Variants in ATP8A2 observed in about 807,000 individuals in gnomAD.
ATP8A2 encodes the protein phospholipid-transporting ATPase IB.
In ATP8A2, 100 loss-of-function variants were observed where a neutral mutation model predicts 165.6. The ratio of observed to expected loss-of-function variants is 0.60; its 90% CI spans 0.51 to 0.71. The LOEUF is 0.71. Among genes scored for constraint, ATP8A2 ranks in the 30% least tolerant of loss-of-function variants. The probability of loss-of-function intolerance (pLI) is 0.00; values close to 1 mark genes in which losing one functional copy is unlikely to be tolerated. For missense variants in ATP8A2, 1,227 were observed against 1,479.5 expected (o/e 0.83, Z 2.80); for synonymous variants, 543 against 548.8 (o/e 0.99, Z 0.15).
At chr13:25,786,303 A>C (rs942893508) in intron 27 of ATP8A2, among the ~76,000 whole-genome samples, 1 of 152,230 alleles carries the variant, frequency 6.6e-6, no homozygotes, top group Non-Finnish European at 1.5e-5. Context: ...TCTCAGTTCC[A>C]ATGTCCTGGC....
chr13:25,871,167 T>C (rs946073452), intron 33 of ATP8A2: 4 of 402,648 alleles, frequency 9.9e-6, no homozygotes, highest in Non-Finnish European at 1.9e-5. Flanking sequence ...TTCATTCTGA[T>C]GTTAATTTTT....
chr13:25,735,062 G>T (rs1056002301), intron 25 of ATP8A2, among the ~76,000 whole-genome samples: 1 of 152,180 alleles, frequency 6.6e-6, no homozygotes, highest in Admixed American at 6.5e-5. Context: ...CTGTAGCACA[G>T]TACCTAAAAT....
intron 24 of ATP8A2, among the ~76,000 whole-genome samples, chr13:25,697,069 T>C (rs1288932124): frequency 6.6e-6 from 1 of 152,248 alleles, no homozygotes; most frequent in Non-Finnish European, 1.5e-5. Context: ...TAAATGGTGC[T>C]GATCGACTTG....
chr13:25,536,035 G>T (rs986964720), intron 6 of ATP8A2, among the ~76,000 whole-genome samples: 1 of 151,014 alleles, frequency 6.6e-6, no homozygotes. Context: ...AAATTTTCTT[G>T]TCTAGTGGTT....
chr13:25,540,266 G>A (rs1289661017), intron 7 of ATP8A2, 53 bp from the exon 8 acceptor site: 14 of 1,328,474 alleles, frequency 1.1e-5, no homozygotes, highest in Non-Finnish European at 1.4e-5. Flanking sequence ...TCTAAACTGT[G>A]AATTTGTGGA....
chr13:25,684,151 T>C (rs930038002), intron 24 of ATP8A2, among the ~76,000 whole-genome samples: 4 of 152,200 alleles, frequency 2.6e-5, no homozygotes, highest in Admixed American at 2.6e-4. Context: ...AGCCCTTGAG[T>C]GTGTGACGTT....
chr13:25,739,146 G>A (rs1204251751), intron 25 of ATP8A2, among the ~76,000 whole-genome samples: 4 of 152,240 alleles, frequency 2.6e-5, no homozygotes, highest in Non-Finnish European at 4.4e-5. Flanking sequence ...TCTCTCAGGT[G>A]TCTGCACAAC....
At position 25,874,974 on chromosome 13, in the gene ATP8A2, G is replaced by T. The variant is rs143811994; in HGVS notation, c.3183+12566G>T. Among the ~76,000 whole-genome samples, 10 of 152,164 alleles carry T rather than the reference G, an allele frequency of 6.6e-5. No homozygotes were observed. The East Asian group carries it at 1.8e-3, about 27-fold the overall frequency. ...GAAATATTCTAACATGGTTAATTAA[G>T]AATTGAGGACATTATGCAAAGTGAA... On this transcript the variant is annotated intron_variant, in intron 33 of 36. Transcript: ENST00000381655.
intron 24 of ATP8A2, among the ~76,000 whole-genome samples, chr13:25,652,940 C>T (rs762933861): frequency 2.0e-5 from 3 of 152,226 alleles, no homozygotes; most frequent in East Asian, 1.9e-4. Flanking sequence ...TGAATCATCC[C>T]TTCCCCAGGA....
At chr13:25,697,367 C>T (rs776425898) in intron 24 of ATP8A2, among the ~76,000 whole-genome samples, 1 of 152,160 alleles carries the variant, frequency 6.6e-6, no homozygotes, top group African/African-American at 2.4e-5. Context: ...GCAACCTCCA[C>T]CTCCCAGGTT....
chr13:25,913,045 A>G (rs1473597475), intron 33 of ATP8A2, among the ~76,000 whole-genome samples: 1 of 152,212 alleles, frequency 6.6e-6, no homozygotes, highest in African/African-American at 2.4e-5. Flanking sequence ...AAAGGGATAA[A>G]GAGTTAAAAA....
chr13:25,620,219 G>T (rs967145947), intron 24 of ATP8A2, among the ~76,000 whole-genome samples: 1 of 152,224 alleles, frequency 6.6e-6, no homozygotes, highest in African/African-American at 2.4e-5. Flanking sequence ...GACACTAAGA[G>T]AAGGTGGGGA....
chr13:26,015,586 AAAAT>A (rs1403131389), intron 36 of ATP8A2, among the ~76,000 whole-genome samples: 7 of 151,906 alleles, frequency 4.6e-5, no homozygotes, highest in Admixed American at 1.3e-4. Context: ...GTTTTATTCC[AAAAT>A]AATGAAAAAA....
At chr13:25,970,515 C>G (rs1034297178) in intron 35 of ATP8A2, among the ~76,000 whole-genome samples, 1 of 152,258 alleles carries the variant, frequency 6.6e-6, no homozygotes, top group African/African-American at 2.4e-5. Context: ...GGGCCACATG[C>G]ATTTTGCAGA....
At chr13:25,465,699 CTTT>C (rs1593346342) in intron 1 of ATP8A2, among the ~76,000 whole-genome samples, 5 of 18,950 alleles carry the variant, frequency 2.6e-4, no homozygotes, top group African/African-American at 6.8e-4. Flanking sequence ...TTCTTTCTTT[CTTT>C]CTTTCTTTCT....
At chr13:25,865,610 G>T (rs1311308318) in intron 33 of ATP8A2, among the ~76,000 whole-genome samples, 1 of 152,178 alleles carries the variant, frequency 6.6e-6, no homozygotes, top group Non-Finnish European at 1.5e-5. Flanking sequence ...CAAAGGAAAG[G>T]AAGGGCTATA....
intron 1 of ATP8A2, among the ~76,000 whole-genome samples, chr13:25,420,423 G>C (rs1203404486): frequency 6.6e-6 from 1 of 152,198 alleles, no homozygotes; most frequent in Non-Finnish European, 1.5e-5. Flanking sequence ...TGCCTCCCTG[G>C]TTAGCATTTT....
At chr13:25,596,734 C>G (rs1444188615) in intron 24 of ATP8A2, among the ~76,000 whole-genome samples, 1 of 152,070 alleles carries the variant, frequency 6.6e-6, no homozygotes, top group Admixed American at 6.6e-5. Flanking sequence ...GGGTTTTGTT[C>G]TGTGCAAGTT....
intron 12 of ATP8A2, among the ~76,000 whole-genome samples, chr13:25,554,410 G>T (rs117772849): frequency 0.013 from 1,976 of 152,156 alleles, 19 homozygotes; most frequent in Middle Eastern, 0.065. Flanking sequence ...ATTTTTATTT[G>T]ATCTTCACAG....
Sources: gnomAD v4.1 joint callset for allele counts (sites outside exome capture counted in the v4.1 genomes callset) on GRCh38, gnomAD v4.1.1 for gene constraint, MANE v1.5 for transcripts, NCBI Gene and HGNC (gene_info 2026-07-23, HGNC 2026-07-21) for gene names.